Variants in FBN2 observed in about 807,000 individuals in gnomAD.
The protein encoded by FBN2 is fibrillin-2.
In FBN2, 105 loss-of-function variants were observed where a neutral mutation model predicts 355.6. The observed-to-expected ratio is 0.30, with a 90% CI of 0.25 to 0.35. The LOEUF (loss-of-function observed/expected upper bound fraction) is 0.35, where lower values mean the gene tolerates loss of function less well. Among genes scored for constraint, FBN2 ranks in the 10% least tolerant of loss-of-function variants. The probability of loss-of-function intolerance (pLI) is 1.00; values close to 1 mark genes in which losing one functional copy is unlikely to be tolerated. For synonymous variants in FBN2, 1,350 were observed against 1,301.2 expected (o/e 1.04, Z -0.81); for missense variants, 3,280 against 3,758.7 (o/e 0.87, Z 3.33).
At chr5:128,364,037 T>G (rs1187224638) in intron 18 of FBN2, among the ~76,000 whole-genome samples, 1 of 152,240 alleles carries the variant, frequency 6.6e-6, no homozygotes. Flanking sequence ...TCAAGTGCTT[T>G]ATGGGAAAAT....
chr5:128,537,499 G>C lies in FBN2; in HGVS notation c.105C>G (p.Pro35=), dbSNP rs1291766622. ...GCGGCGGCTGGGGCCGGGGCGGCTT[G>C]GGCGGAGGAGGCTGAGGCTGGCCGG... ...GTAGQPQPPP[P]KPPRPQPPPQ... Residue 35 remains proline, a synonymous_variant, in exon 1 of 65, where the codon CCC becomes CCG. Transcript: ENST00000262464. 1 of 1,582,624 alleles carries C rather than the reference G, an allele frequency of 6.3e-7. No individual in the cohort carries two copies. Among genetic ancestry groups the C allele is most frequent in the African/African-American group, 1.3e-5 (1 of 74,404 alleles).
chr5:128,389,021 G>T (rs1387443205), intron 11 of FBN2, among the ~76,000 whole-genome samples: 1 of 151,988 alleles, frequency 6.6e-6, no homozygotes. Context: ...ATTTCTCAGG[G>T]GTTTTGTTCA....
chr5:128,278,969 AT>A (rs1469147670), intron 56 of FBN2, 128 bp from the exon 57 acceptor site: 16 of 780,968 alleles, frequency 2.0e-5, no homozygotes, highest in Non-Finnish European at 3.3e-5. Context: ...TGTCTTAATT[AT>A]TTAAGTTTTG....
intron 37 of FBN2, 25 bp from the exon 38 acceptor site, chr5:128,311,978 G>A: frequency 6.6e-7 from 1 of 1,526,320 alleles, no homozygotes; most frequent in Middle Eastern, 1.7e-4. Flanking sequence ...AAAAATAAGA[G>A]GTTTGATACC....
In FBN2 at chr5:128,286,710, C is replaced by A. The variant is rs1422660066; in HGVS notation, c.7012+8G>T. The A allele has an allele frequency of 1.2e-6, 2 of 1,613,904 alleles. No homozygotes were observed. Among genetic ancestry groups the A allele is most frequent in the Admixed American group, 3.3e-5 (2 of 60,010 alleles). On this transcript the variant is annotated splice_region_variant and intron_variant, in intron 55 of 64. Transcript: ENST00000262464. ...TTACATAAGCAGACACCTTCCCTTACCGCTTACCTACACAGCCTTCTCCAT... is the reference window on the plus strand; with the variant it reads ...TTACATAAGCAGACACCTTCCCTTAACGCTTACCTACACAGCCTTCTCCAT...
intron 34 of FBN2, among the ~76,000 whole-genome samples, chr5:128,321,241 TG>T (rs1383522881): frequency 6.6e-6 from 1 of 152,204 alleles, no homozygotes; most frequent in East Asian, 1.9e-4. Context: ...CAGAATTCTG[TG>T]GGCATGGATC....
chr5:128,515,514 A>T (rs937658093), intron 5 of FBN2, among the ~76,000 whole-genome samples: 5 of 152,172 alleles, frequency 3.3e-5, no homozygotes, highest in African/African-American at 1.2e-4. Flanking sequence ...CTGACTAGAG[A>T]TATCCAGGCA....
chr5:128,363,353 C>T (rs1157060617), intron 18 of FBN2, among the ~76,000 whole-genome samples: 1 of 152,048 alleles, frequency 6.6e-6, no homozygotes, highest in Non-Finnish European at 1.5e-5. Flanking sequence ...CCATGCCCAG[C>T]TAATTTTTGT....
chr5:128,274,489 T>C (rs1390523207), intron 60 of FBN2, 78 bp downstream of exon 60: 8 of 830,342 alleles, frequency 9.6e-6, no homozygotes, highest in Non-Finnish European at 1.7e-5. Flanking sequence ...AGGACATTCT[T>C]CTGTTTATAA....
At chr5:128,536,183 C>T (rs1202457190) in intron 2 of FBN2, among the ~76,000 whole-genome samples, 1 of 152,158 alleles carries the variant, frequency 6.6e-6, no homozygotes, top group Non-Finnish European at 1.5e-5. Context: ...AAATCTTTAT[C>T]ATTATTGCCC....
intron 6 of FBN2, among the ~76,000 whole-genome samples, chr5:128,454,112 C>T (rs1261575360): frequency 1.3e-5 from 2 of 152,210 alleles, no homozygotes; most frequent in East Asian, 3.9e-4. Flanking sequence ...GCTCTCTGCT[C>T]TTAGTAGGTT....
rs181826781 is a variant in FBN2 at position 128,271,492 on chromosome 5, C to G, written c.7960+507G>C. ...TATTTTATTTTACAAACACTTCTGTCTAGAGCTGCCAACAGCATTTGCTGT... is the reference window on the plus strand; with the variant it reads ...TATTTTATTTTACAAACACTTCTGTGTAGAGCTGCCAACAGCATTTGCTGT... On this transcript the variant is annotated intron_variant, in intron 62 of 64. Transcript: ENST00000262464. Among the ~76,000 whole-genome samples, 7 of 152,328 alleles carry G rather than the reference C, an allele frequency of 4.6e-5. No individual in the cohort carries two copies. In the East Asian group the frequency reaches 1.3e-3, roughly 29 times the overall value.
chr5:128,281,360 C>A (rs1007349519), intron 55 of FBN2, among the ~76,000 whole-genome samples: 2 of 152,198 alleles, frequency 1.3e-5, no homozygotes, highest in African/African-American at 4.8e-5. Flanking sequence ...AGTCTTCTTT[C>A]AATTCTTACA....
intron 7 of FBN2, among the ~76,000 whole-genome samples, chr5:128,429,350 C>T (rs1401286896): frequency 6.6e-6 from 1 of 152,102 alleles, no homozygotes; most frequent in Admixed American, 6.5e-5. Context: ...TACTGCCCAC[C>T]CACTATACAA....
At chr5:128,491,337 G>A (rs754194601) in intron 5 of FBN2, among the ~76,000 whole-genome samples, 1 of 152,182 alleles carries the variant, frequency 6.6e-6, no homozygotes, top group African/African-American at 2.4e-5. Context: ...GAGCTTTTTA[G>A]AACATTGTAA....
At chr5:128,284,137 G>A (rs2126814145) in intron 55 of FBN2, among the ~76,000 whole-genome samples, 1 of 152,194 alleles carries the variant, frequency 6.6e-6, no homozygotes, top group Admixed American at 6.5e-5. Context: ...GTGTAAAATA[G>A]GAAATAACAA....
chr5:128,469,495 C>T (rs775074188), intron 5 of FBN2, among the ~76,000 whole-genome samples: 12 of 146,630 alleles, frequency 8.2e-5, no homozygotes, highest in South Asian at 4.3e-4. Flanking sequence ...CGCACCACTG[C>T]GCTCCAGCCT....
At chr5:128,379,228 G>A (rs1339028036) in intron 11 of FBN2, among the ~76,000 whole-genome samples, 1 of 152,132 alleles carries the variant, frequency 6.6e-6, no homozygotes, top group African/African-American at 2.4e-5. Flanking sequence ...ATGTGGGCAA[G>A]TTAATAACCT....
At chr5:128,302,938 A>T in intron 46 of FBN2, 35 bp downstream of exon 46, 5 of 1,123,268 alleles carry the variant, frequency 4.5e-6, no homozygotes, top group Non-Finnish European at 6.8e-6. Flanking sequence ...GTGGAAATGA[A>T]ATAGAAGCAA....
Sources: gnomAD v4.1 joint callset for allele counts (sites outside exome capture counted in the v4.1 genomes callset) on GRCh38, gnomAD v4.1.1 for gene constraint, MANE v1.5 for transcripts, NCBI Gene and HGNC (gene_info 2026-07-23, HGNC 2026-07-21) for gene names.